The following ERVK3-1 variants were observed in gnomAD, a reference collection of about 807,000 sequenced individuals.
ERVK3-1 encodes the protein HERV-K(HML6-1).
rs867744747 is a variant in ERVK3-1, at chr19:58,312,180, G to A, written c.12G>A (p.Pro4=). 1.5e-5 allele frequency: 6 copies of A among 400,064 alleles called. 1 individual carries two copies. The highest frequency in any genetic ancestry group is 7.1e-5 in the East Asian group (2 of 28,092). 24.8% of individuals were successfully genotyped at this position (400,064 alleles called of 1,614,324 possible). A position where few individuals can be genotyped will look rare whatever the true frequency, so the allele number is the denominator to read the frequency against. ...TGTTTTTACAGGAGATGGACAAACC[G>A]TGTGGGTGCCCTCCAGGTGTGTGTG... The change falls in exon 3 of 4, where the codon CCG becomes CCA. Residue 4 remains proline (P), a synonymous_variant. Transcript: ENST00000413518. The surrounding 1 kb of genome is among the most constrained non-coding windows in gnomAD (Gnocchi z 4.7).
intron 1 of ERVK3-1, among the ~76,000 whole-genome samples, chr19:58,305,832 C>T (rs146183331): frequency 6.6e-6 from 1 of 152,200 alleles, no homozygotes; most frequent in African/African-American, 2.4e-5. Context: ...CCCAGGTCCC[C>T]TGCTCCTTGA....
At chr19:58,309,240 A>G (rs2051542262) in intron 2 of ERVK3-1, 1 of 152,206 alleles carries the variant, frequency 6.6e-6, no homozygotes, top group Admixed American at 6.5e-5. Context: ...TATATGGATA[A>G]TATTGTTTTG....
Position 58,312,154 on chromosome 19 carries a change from G to A in ERVK3-1, c.-3-12G>A, listed in dbSNP as rs2051560336. The A allele has an allele frequency of 2.5e-6, 1 of 400,062 alleles. No individual in the cohort carries two copies. The allele number at this position is 400,062 out of a possible 1,614,324, so 24.8% of individuals were successfully genotyped here. On this transcript the variant is annotated splice_polypyrimidine_tract_variant and intron_variant, in intron 2 of 3. Coordinates refer to ENST00000413518, the Ensembl canonical transcript of ERVK3-1. This position sits in a 1 kb window ranked among gnomAD's most constrained non-coding sequence, Gnocchi z 4.7. ...CTGACGTGGGGACGAGGGTATGCTTGTGTTTTTACAGGAGATGGACAAACC... is the reference window on the plus strand; with the variant it reads ...CTGACGTGGGGACGAGGGTATGCTTATGTTTTTACAGGAGATGGACAAACC...
rs35996305 is a variant in ERVK3-1 at position 58,310,880 on chromosome 19, CTT to C, written c.-3-1283_-3-1282del. On this transcript the variant is annotated intron_variant, in intron 2 of 3. Coordinates refer to ENST00000413518, the Ensembl canonical transcript of ERVK3-1. The surrounding 1 kb of genome is among the most constrained non-coding windows in gnomAD (Gnocchi z 4.7). ...AAGTAGCGGGTGTTGTTCCTTGACA[CTT>C]TTCGCTACCGCTAGACCACGGTCTT... 5 of 406,970 alleles carry C rather than the reference CTT, an allele frequency of 1.2e-5. No homozygotes were observed. In the Admixed American group the frequency reaches 1.2e-4, roughly 10 times the overall value. The allele number at this position is 406,970 out of a possible 1,614,324, so 25.2% of individuals were successfully genotyped here.
rs187330410 is a variant in ERVK3-1, at chr19:58,312,461, C to T, written c.293C>T (p.Ala98Val). Reference sequence around the variant, plus strand: ...GCCATGCTAGCTGTAGTGTCCTGTGCGGTATGTTTCCCCTGTGTAGAGGCA... The same window carrying T: ...GCCATGCTAGCTGTAGTGTCCTGTGTGGTATGTTTCCCCTGTGTAGAGGCA... The change falls in exon 3 of 4, where the codon GCG becomes GTG. Residue 98 changes from alanine to valine, a missense_variant and splice_region_variant. Transcript: ENST00000413518. This position sits in a 1 kb window ranked among gnomAD's most constrained non-coding sequence, Gnocchi z 4.7. 3.3e-3 allele frequency: 1,320 copies of T among 400,030 alleles called. 12 individuals carry two copies. Among genetic ancestry groups the T allele is most frequent in the Non-Finnish European group, 2.6e-3 (591 of 226,062 alleles). 24.8% of individuals were successfully genotyped at this position (400,030 alleles called of 1,614,324 possible).
intron 1 of ERVK3-1, among the ~76,000 whole-genome samples, chr19:58,305,771 A>G (rs1384877291): frequency 1.3e-5 from 2 of 152,184 alleles, no homozygotes; most frequent in East Asian, 1.9e-4. Flanking sequence ...GGATGTTGGT[A>G]AACTGACAAA....
chr19:58,314,584 G>A (rs184522404), intron 3 of ERVK3-1, among the ~76,000 whole-genome samples, 164 bp from the exon 4 acceptor site: 7 of 128,954 alleles, frequency 5.4e-5, no homozygotes, highest in Admixed American at 4.9e-4. Flanking sequence ...CCAAGATGGC[G>A]CCACTGCACT....
chr19:58,306,984 T>G (rs1241284398), intron 2 of ERVK3-1, among the ~76,000 whole-genome samples: 1 of 152,232 alleles, frequency 6.6e-6, no homozygotes, highest in Admixed American at 6.5e-5. Context: ...CTAGTGCATA[T>G]TTGACATGGA....
Position 58,313,908 on chromosome 19 carries a change from C to T in ERVK3-1, c.295-840C>T, listed in dbSNP as rs1027270825. Among the ~76,000 whole-genome samples the T allele has an allele frequency of 3.3e-5, 5 of 152,212 alleles. No individual in the cohort carries two copies. Among genetic ancestry groups the T allele is most frequent in the African/African-American group, 4.8e-5 (2 of 41,450 alleles). ...GTAATCTCCTTAGTCACACTAATAA[C>T]CTCGGTTGTAGTGTCCTCAGTAGCA... On this transcript the variant is annotated intron_variant, in intron 3 of 3. Coordinates refer to ENST00000413518, the Ensembl canonical transcript of ERVK3-1. The surrounding 1 kb of genome is among the most constrained non-coding windows in gnomAD (Gnocchi z 4.5).
chr19:58,314,981 G>A (rs2147972680), exon 4 of ERVK3-1: 1 of 388,662 alleles, frequency 2.6e-6, no homozygotes, highest in East Asian at 3.6e-5. Flanking sequence ...AATGCTGGGG[G>A]CAGTCATGTC....
chr19:58,314,866 G>A (rs994311801), exon 4 of ERVK3-1: 8 of 398,874 alleles, frequency 2.0e-5, no homozygotes, highest in African/African-American at 4.1e-5. Context: ...AATGAGGGTC[G>A]TGACCAACTC....
chr19:58,314,921 A>G, exon 4 of ERVK3-1: 1 of 392,206 alleles, frequency 2.5e-6, no homozygotes, highest in East Asian at 3.6e-5. Flanking sequence ...AACTGTTCTC[A>G]TGAAAGCAGG....
At chr19:58,305,594 C>CCATGTCCT (rs2051516778) in intron 1 of ERVK3-1, 149 bp downstream of exon 1, 2 of 152,112 alleles carry the variant, frequency 1.3e-5, no homozygotes, top group Admixed American at 6.6e-5. Flanking sequence ...CAGAGAGGCG[C>CCATGTCCT]GCGGTGCGTG....
In ERVK3-1 at chr19:58,313,762, A is replaced by T. The variant is rs1185771988; in HGVS notation, c.295-986A>T. Among the ~76,000 whole-genome samples, 2 of 152,248 alleles carry T rather than the reference A, an allele frequency of 1.3e-5. No individual in the cohort carries two copies. Among genetic ancestry groups the T allele is most frequent in the African/African-American group, 2.4e-5 (1 of 41,472 alleles). On this transcript the variant is annotated intron_variant, in intron 3 of 3. Transcript: ENST00000413518. The surrounding 1 kb of genome is among the most constrained non-coding windows in gnomAD (Gnocchi z 4.5). Reference sequence around the variant, plus strand: ...TAATTCTGGGTCGTATCCCTGGATTATGGATCCCTGTCAATTTGTGCAAAC... The same window carrying T: ...TAATTCTGGGTCGTATCCCTGGATTTTGGATCCCTGTCAATTTGTGCAAAC...
At chr19:58,315,967 CT>C (rs2051590030), downstream of ERVK3-1, among the ~76,000 whole-genome samples, 1 of 152,200 alleles carries the variant, frequency 6.6e-6, no homozygotes, top group South Asian at 2.1e-4. Context: ...CCTGGGACCT[CT>C]GCCCAGGACT....
chr19:58,314,051 A>C (rs2051573985), intron 3 of ERVK3-1, among the ~76,000 whole-genome samples: 1 of 152,212 alleles, frequency 6.6e-6, no homozygotes, highest in Non-Finnish European at 1.5e-5. Context: ...AGCAATGTTA[A>C]AGGCTACTGT....
At position 58,309,178 on chromosome 19, in the gene ERVK3-1, A is replaced by T. The variant is rs529619341; in HGVS notation, c.-4+2962A>T. The T allele has an allele frequency of 2.6e-5, 4 of 152,354 alleles. No homozygotes were observed. The East Asian group carries it at 7.7e-4, about 29-fold the overall frequency. The allele number at this position is 152,354 out of a possible 1,614,324, so 9.4% of individuals were successfully genotyped here. A position where few individuals can be genotyped will look rare whatever the true frequency, so the allele number is the denominator to read the frequency against. On this transcript the variant is annotated intron_variant, in intron 2 of 3. Transcript: ENST00000413518. ...CTACGTTATGTCAGCATTTTGTAGG[A>T]AAAGCATTGAAGGAGCCTCGGAATA... is the stretch of plus-strand genomic sequence containing the variant.
Position 58,310,382 on chromosome 19 carries a change from G to A in ERVK3-1, c.-3-1784G>A. ...GGCCTGGGGGACCACTACCACCAAT[G>A]CGCGGAGACCGGTAGTGGCCCCGAA... On this transcript the variant is annotated intron_variant, in intron 2 of 3. Coordinates refer to ENST00000413518, the Ensembl canonical transcript of ERVK3-1. The surrounding 1 kb of genome is among the most constrained non-coding windows in gnomAD (Gnocchi z 4.7). The A allele has an allele frequency of 1.2e-5, 2 of 164,960 alleles. No homozygotes were observed. 10.2% of individuals were successfully genotyped at this position (164,960 alleles called of 1,614,324 possible). A position where few individuals can be genotyped will look rare whatever the true frequency, so the allele number is the denominator to read the frequency against.
rs780562667 is a variant in ERVK3-1 at position 58,313,748 on chromosome 19, C to T, written c.295-1000C>T. Among the ~76,000 whole-genome samples, 7 of 152,190 alleles carry T rather than the reference C, an allele frequency of 4.6e-5. No individual in the cohort carries two copies. Among genetic ancestry groups the T allele is most frequent in the Non-Finnish European group, 1.0e-4 (7 of 68,042 alleles). Reference sequence around the variant, plus strand: ...CATATCCACTCTAATAATTCTGGGTCGTATCCCTGGATTATGGATCCCTGT... The same window carrying T: ...CATATCCACTCTAATAATTCTGGGTTGTATCCCTGGATTATGGATCCCTGT... On this transcript the variant is annotated intron_variant, in intron 3 of 3. Coordinates refer to ENST00000413518, the Ensembl canonical transcript of ERVK3-1. The surrounding 1 kb of genome is among the most constrained non-coding windows in gnomAD (Gnocchi z 4.5).
Sources: allele counts gnomAD v4.1 joint callset (sites outside exome capture counted in the v4.1 genomes callset), GRCh38; gene constraint gnomAD v4.1.1; non-coding constraint Gnocchi (gnomAD v3.1); transcripts MANE v1.5; gene names NCBI Gene and HGNC (gene_info 2026-07-23, HGNC 2026-07-21).